Variants in HLA-DRA observed in about 807,000 individuals in gnomAD.
HLA-DRA encodes the protein HLA class II histocompatibility antigen, DR alpha chain.
Under a neutral mutation model 22.1 loss-of-function variants are expected in HLA-DRA, and 8 were observed. That is an observed-to-expected ratio of 0.36 (90% confidence interval 0.21 to 0.65). HLA-DRA has a LOEUF of 0.65. HLA-DRA is among the 30% of genes least tolerant of loss of function. The pLI, the probability that HLA-DRA is intolerant of heterozygous loss-of-function variation, is 0.63. For synonymous variants in HLA-DRA, 101 were observed against 117.1 expected (o/e 0.86, Z 0.89); for missense variants, 248 against 321.3 (o/e 0.77, Z 1.74).
Position 32,442,626 on chromosome 6 carries a change from C to A in HLA-DRA, c.261C>A (p.Asn87Lys). The A allele has an allele frequency of 6.2e-7, 1 of 1,613,104 alleles. No homozygotes were observed. ...TTGAGGCTCAAGGTGCATTGGCCAA[C>A]ATAGCTGTGGACAAAGCCAACCTGG... ...ASFEAQGALA[N>K]IAVDKANLEI... The change falls in exon 2 of 5, where the codon AAC becomes AAA. Residue 87 changes from asparagine to lysine, a missense_variant. Physicochemically the swap from Asn to Lys is moderately conservative, Grantham distance 94. Coordinates refer to ENST00000395388, the MANE Select transcript of HLA-DRA (RefSeq NM_019111.5).
In HLA-DRA at chr6:32,441,217, G is replaced by A. The variant is rs377632020; in HGVS notation, c.82+1185G>A. ...ACTAAAAATACAAAAAATTAGCTGGGTATGGTGGCACACGCCTGTAGTCCC... is the reference window on the plus strand; with the variant it reads ...ACTAAAAATACAAAAAATTAGCTGGATATGGTGGCACACGCCTGTAGTCCC... On this transcript the variant is annotated intron_variant, in intron 1 of 4. Transcript: ENST00000395388. Among the ~76,000 whole-genome samples the A allele has an allele frequency of 3.3e-5, 5 of 152,186 alleles. No homozygotes were observed. In the East Asian group the frequency reaches 5.8e-4, roughly 18 times the overall value.
At chr6:32,440,445 A>T (rs1039785452) in intron 1 of HLA-DRA, among the ~76,000 whole-genome samples, 1 of 151,630 alleles carries the variant, frequency 6.6e-6, no homozygotes, top group Non-Finnish European at 1.5e-5. Context: ...AAAAAAAGTT[A>T]TTAGCCCTGT....
At chr6:32,442,746 A>G in intron 2 of HLA-DRA, 53 bp downstream of exon 2, 1 of 1,597,712 alleles carries the variant, frequency 6.3e-7, no homozygotes, top group South Asian at 1.1e-5. Flanking sequence ...GTTTGAAAGT[A>G]GTTGCTTCAG....
chr6:32,441,095 A>T (rs1762586226), intron 1 of HLA-DRA, among the ~76,000 whole-genome samples: 1 of 152,240 alleles, frequency 6.6e-6, no homozygotes. Flanking sequence ...ACGGTGGCTC[A>T]CGCCTGTAAT....
chr6:32,443,673 C>A, intron 3 of HLA-DRA, 83 bp from the exon 4 acceptor site: 1 of 1,349,894 alleles, frequency 7.4e-7, no homozygotes, highest in Non-Finnish European at 1.0e-6. Context: ...TAACTTTTCT[C>A]TTTATTAAGA....
At chr6:32,443,535 T>C in intron 3 of HLA-DRA, 69 bp downstream of exon 3, 1 of 1,367,400 alleles carries the variant, frequency 7.3e-7, no homozygotes, top group Non-Finnish European at 1.0e-6. Context: ...AAACTCGGTG[T>C]TCTAACTGTT....
Position 32,443,208 on chromosome 6 carries a change from A to G in HLA-DRA, c.352A>G (p.Thr118Ala), listed in dbSNP as rs1418880010. Residue 118 changes from threonine to alanine, a missense_variant, in exon 3 of 5, where the codon ACA becomes GCA. By Grantham distance (58) the Thr-to-Ala change is moderately conservative (BLOSUM62 0). Coordinates refer to ENST00000395388, the MANE Select transcript of HLA-DRA (RefSeq NM_019111.5). ...AGTACCTCCAGAGGTAACTGTGCTC[A>G]CAAACAGCCCTGTGGAACTGAGAGA... ...TNVPPEVTVL[T>A]NSPVELREPN... is the part of the protein sequence containing the mutation. 6.2e-7 allele frequency: 1 copy of G among 1,612,546 alleles called. No homozygotes were observed. Among genetic ancestry groups the G allele is most frequent in the Admixed American group, 1.7e-5 (1 of 60,010 alleles).
At chr6:32,440,983 A>G (rs886920228) in intron 1 of HLA-DRA, among the ~76,000 whole-genome samples, 3 of 152,252 alleles carry the variant, frequency 2.0e-5, no homozygotes, top group African/African-American at 7.2e-5. Context: ...GTGAAGAGGC[A>G]GCTAGTATAT....
intron 3 of HLA-DRA, 85 bp downstream of exon 3, chr6:32,443,551 A>G: frequency 7.7e-7 from 1 of 1,290,730 alleles, no homozygotes; most frequent in South Asian, 1.3e-5. Flanking sequence ...CTGTTTCATA[A>G]TATCTGCTAC....
chr6:32,442,408 C>A (rs564581448), intron 1 of HLA-DRA, 40 bp from the exon 2 acceptor site: 41 of 1,609,852 alleles, frequency 2.5e-5, no homozygotes, highest in Non-Finnish European at 3.1e-5. Flanking sequence ...TCTCTTGATT[C>A]CCCCCACCCA....
chr6:32,441,335 C>T (rs1304160919), intron 1 of HLA-DRA, among the ~76,000 whole-genome samples: 1 of 151,954 alleles, frequency 6.6e-6, no homozygotes, highest in Non-Finnish European at 1.5e-5. Context: ...TCCAGCCTGG[C>T]GATAGAGCAA....
chr6:32,440,375 G>C (rs2150370396), intron 1 of HLA-DRA, among the ~76,000 whole-genome samples: 1 of 151,942 alleles, frequency 6.6e-6, no homozygotes, highest in East Asian at 1.9e-4. Context: ...ATTCTTTCTG[G>C]AAAATTAGTA....
chr6:32,443,135 G>A (rs1350609017), intron 2 of HLA-DRA, 50 bp from the exon 3 acceptor site: 5 of 1,520,554 alleles, frequency 3.3e-6, no homozygotes, highest in Non-Finnish European at 4.5e-6. Flanking sequence ...AGAGGGGTGA[G>A]CCTAAGCAGT....
chr6:32,444,453 CT>C (rs1490075436), intron 4 of HLA-DRA, among the ~76,000 whole-genome samples, 198 bp from the exon 5 acceptor site: 1 of 151,358 alleles, frequency 6.6e-6, no homozygotes, highest in Non-Finnish European at 1.5e-5. Context: ...ATGAGAAACT[CT>C]AAAAAAAGGT....
intron 3 of HLA-DRA, 21 bp from the exon 4 acceptor site, chr6:32,443,735 C>T (rs370989285): frequency 6.4e-7 from 1 of 1,557,494 alleles, no homozygotes; most frequent in African/African-American, 1.4e-5. Context: ...TTACCATGTA[C>T]TCTGCCTTAT....
intron 1 of HLA-DRA, 126 bp from the exon 2 acceptor site, chr6:32,442,322 A>G (rs1762669295): frequency 1.8e-6 from 2 of 1,113,466 alleles, no homozygotes; most frequent in Middle Eastern, 2.0e-4. Context: ...CCTACTCGCC[A>G]TCATTCTTTC....
At position 32,443,179 on chromosome 6, in the gene HLA-DRA, C is replaced by A. The variant is rs1230859811; in HGVS notation, c.329-6C>A. ...ATTTCTGTCATGTCTGTCATGTGTC[C>A]CCCAGTACCTCCAGAGGTAACTGTG... On this transcript the variant is annotated splice_polypyrimidine_tract_variant and splice_region_variant and intron_variant, in intron 2 of 4. Coordinates refer to ENST00000395388, the MANE Select transcript of HLA-DRA (RefSeq NM_019111.5). The A allele has an allele frequency of 1.4e-5, 22 of 1,610,498 alleles. No homozygotes were observed. The highest frequency in any genetic ancestry group is 1.8e-5 in the Non-Finnish European group (21 of 1,177,878).
rs758466353 is a variant in HLA-DRA at position 32,443,759 on chromosome 6, T to C, written c.614T>C (p.Phe205Ser). Residue 205 changes from phenylalanine to serine, a missense_variant, in exon 4 of 5, where the codon TTT becomes TCT. By Grantham distance (155) the Phe-to-Ser change is radical (BLOSUM62 -2). Coordinates refer to ENST00000395388, the MANE Select transcript of HLA-DRA (RefSeq NM_019111.5). ...ACTCTGCCTTATTTCCCCCCAGAGT[T>C]TGATGCTCCAAGCCCTCTCCCAGAG... Reference protein sequence around the residue: ...LDEPLLKHWEFDAPSPLPETT... With the variant: ...LDEPLLKHWESDAPSPLPETT... 7 of 1,583,916 alleles carry C rather than the reference T, an allele frequency of 4.4e-6. No homozygotes were observed. The Admixed American group carries it at 5.6e-5, about 13-fold the overall frequency.
intron 1 of HLA-DRA, 114 bp downstream of exon 1, chr6:32,440,146 T>G (rs1363890181): frequency 1.1e-6 from 1 of 912,142 alleles, no homozygotes; most frequent in Non-Finnish European, 1.8e-6. Flanking sequence ...ACAGGTATTA[T>G]GTGGTCTCGA....
Sources: gnomAD v4.1 joint callset for allele counts (sites outside exome capture counted in the v4.1 genomes callset) on GRCh38, gnomAD v4.1.1 for gene constraint, MANE v1.5 for transcripts, NCBI Gene and HGNC (gene_info 2026-07-23, HGNC 2026-07-21) for gene names.